Variants in ARHGEF10 observed in about 807,000 individuals in gnomAD.
The protein encoded by ARHGEF10 is Rho guanine nucleotide exchange factor 10.
ARHGEF10 carries 140 observed loss-of-function variants against 147.4 expected under a neutral mutation model. That is an observed-to-expected ratio of 0.95 (90% confidence interval 0.83 to 1.09). The LOEUF is 1.09. ARHGEF10 is among the 50% of genes least tolerant of loss of function. ARHGEF10 has a pLI of 0.00. For missense variants in ARHGEF10, 2,222 were observed against 1,752.7 expected, an observed-to-expected ratio of 1.27 and a Z score of -4.78; for synonymous variants, 902 against 695.8, an observed-to-expected ratio of 1.30 and a Z score of -4.67.
intron 14 of ARHGEF10, among the ~76,000 whole-genome samples, chr8:1,897,187 C>T (rs1810046133): frequency 6.6e-6 from 1 of 152,252 alleles, no homozygotes; most frequent in Non-Finnish European, 1.5e-5. Flanking sequence ...ACTGCTGCTA[C>T]CTGGAGCGAG....
intron 17 of ARHGEF10, among the ~76,000 whole-genome samples, chr8:1,908,737 C>T (rs1006848488): frequency 6.6e-6 from 1 of 152,050 alleles, no homozygotes; most frequent in African/African-American, 2.4e-5. Flanking sequence ...TGTGTTTCTT[C>T]ACGTATATGT....
chr8:1,945,570 G>A lies in ARHGEF10; in HGVS notation c.3312G>A (p.Gly1104=). 6.2e-7 allele frequency: 1 copy of A among 1,614,238 alleles called. No homozygotes were observed. Among genetic ancestry groups the A allele is most frequent in the Non-Finnish European group, 8.5e-7 (1 of 1,180,038 alleles). Residue 1104 remains glycine, a synonymous_variant, in exon 27 of 29, where the codon GGG becomes GGA. Coordinates refer to ENST00000349830, the MANE Select transcript of ARHGEF10 (RefSeq NM_014629.4). The part of the protein sequence containing the change: ...GVGIWIAFTS[G]STLRLFHTET... ...GGATCTGGATTGCCTTCACCTCAGG[G>A]TCCACGCTCCGCCTTTTTCACACGG...
chr8:1,911,410 G>A (rs768838755), intron 18 of ARHGEF10, among the ~76,000 whole-genome samples: 3 of 152,086 alleles, frequency 2.0e-5, no homozygotes, highest in Non-Finnish European at 4.4e-5. Context: ...AACTTGTTTT[G>A]CCATCAATAG....
At chr8:1,851,775 G>T (rs892765130) in intron 2 of ARHGEF10, among the ~76,000 whole-genome samples, 1 of 152,044 alleles carries the variant, frequency 6.6e-6, no homozygotes, top group South Asian at 2.1e-4. Flanking sequence ...TTAGCCAGGC[G>T]TGGTGGCTCA....
chr8:1,891,341 G>T (rs758936208), intron 11 of ARHGEF10, among the ~76,000 whole-genome samples: 3 of 152,120 alleles, frequency 2.0e-5, no homozygotes, highest in Non-Finnish European at 4.4e-5. Flanking sequence ...TTCTCCTCTA[G>T]AATTGAATTA....
At chr8:1,898,656 CAG>C in intron 15 of ARHGEF10, 131 bp downstream of exon 15, 1 of 954,410 alleles carries the variant, frequency 1.0e-6, no homozygotes, top group Non-Finnish European at 1.6e-6. Flanking sequence ...TAGGCAGTTA[CAG>C]GAGGTGGAGG....
At position 1,842,072 on chromosome 8, in the gene ARHGEF10, G is replaced by GGGAACTGGGGCCGCGACC. The variant is rs1563162254; in HGVS notation, c.-47-1265_-47-1264insCCGGAACTGGGGCCGCGA. ...CCGCGGCGGGAACTGGGGCCGCGGCGGGAACTGGGGCCGCGAGGCGCCGAA... is the reference window on the plus strand; with the variant it reads ...CCGCGGCGGGAACTGGGGCCGCGGCGGGAACTGGGGCCGCGACCGGAACTGGGGCCGCGAGGCGCCGAA... On this transcript the variant is annotated intron_variant, in intron 1 of 28. Transcript: ENST00000349830. 1.4e-3 allele frequency among the ~76,000 whole-genome samples: 193 copies of GGGAACTGGGGCCGCGACC among 139,352 alleles called. 7 individuals carry two copies. Among genetic ancestry groups the GGGAACTGGGGCCGCGACC allele is most frequent in the Admixed American group, 3.1e-3 (41 of 13,080 alleles). 91.4% of individuals were successfully genotyped at this position (139,352 alleles called of 152,430 possible). A position where few individuals can be genotyped will look rare whatever the true frequency, so the allele number is the denominator to read the frequency against.
At chr8:1,894,705 T>A in intron 13 of ARHGEF10, 133 bp downstream of exon 13, 1 of 1,017,906 alleles carries the variant, frequency 9.8e-7, no homozygotes, top group Non-Finnish European at 1.5e-6. Flanking sequence ...AAGGCCAGGC[T>A]GAAGTTGCAA....
chr8:1,916,955 C>T (rs1181694681), intron 18 of ARHGEF10, among the ~76,000 whole-genome samples: 1 of 152,238 alleles, frequency 6.6e-6, no homozygotes, highest in African/African-American at 2.4e-5. Flanking sequence ...AGGGAATTTT[C>T]ATTTAATATT....
intron 2 of ARHGEF10, among the ~76,000 whole-genome samples, chr8:1,853,406 T>C (rs1164978275): frequency 6.6e-6 from 1 of 152,272 alleles, no homozygotes; most frequent in East Asian, 1.9e-4. Context: ...AACAGCTTTT[T>C]GAAAGATCCA....
intron 1 of ARHGEF10, among the ~76,000 whole-genome samples, chr8:1,839,186 G>A (rs1012634946): frequency 7.3e-6 from 1 of 136,700 alleles, no homozygotes; most frequent in Non-Finnish European, 1.5e-5. Context: ...TGTGGGGACT[G>A]TCTGATGTGG....
intron 4 of ARHGEF10, among the ~76,000 whole-genome samples, chr8:1,862,944 A>C (rs1426816330): frequency 2.7e-5 from 4 of 150,844 alleles, no homozygotes; most frequent in Non-Finnish European, 4.4e-5. Context: ...ACGCCCGGCT[A>C]ATTTTTTGTA....
At chr8:1,834,226 G>A (rs1803443415) in intron 1 of ARHGEF10, among the ~76,000 whole-genome samples, 1 of 152,228 alleles carries the variant, frequency 6.6e-6, no homozygotes, top group African/African-American at 2.4e-5. Flanking sequence ...GGCCCAGGCG[G>A]GTTGATTCTG....
At chr8:1,888,185 A>AG (rs199964501) in intron 11 of ARHGEF10, among the ~76,000 whole-genome samples, 1 of 65,128 alleles carries the variant, frequency 1.5e-5, no homozygotes, top group East Asian at 2.8e-4. Context: ...GAGTGGGGTG[A>AG]GGGTTTGCGA....
chr8:1,869,236 C>G lies in ARHGEF10; in HGVS notation c.665C>G (p.Ser222Ter), dbSNP rs1355703904. 4.3e-6 allele frequency: 7 copies of G among 1,613,856 alleles called. No individual in the cohort carries two copies. Among genetic ancestry groups the G allele is most frequent in the East Asian group, 2.2e-5 (1 of 44,886 alleles). ...AIYDDVPREN[S>*]DSEPDEMIYD... Reference sequence around the variant, plus strand: ...TACGATGACGTTCCAAGGGAAAACTCAGACTCTGAACCAGGTTTGATTTTG... The same window carrying G: ...TACGATGACGTTCCAAGGGAAAACTGAGACTCTGAACCAGGTTTGATTTTG... The change falls in exon 7 of 29, where the codon TCA becomes TGA. Residue 222 changes from serine to a stop codon, truncating the protein, a stop_gained. Transcript: ENST00000349830. LOFTEE classifies it high-confidence loss of function.
chr8:1,929,583 C>G, intron 25 of ARHGEF10, 140 bp downstream of exon 25: 1 of 1,028,944 alleles, frequency 9.7e-7, no homozygotes, highest in Non-Finnish European at 1.4e-6. Flanking sequence ...TCACCCTTGC[C>G]CAAGGCCCGG....
At chr8:1,875,900 C>T (rs7842534) in intron 7 of ARHGEF10, among the ~76,000 whole-genome samples, 30,201 of 152,106 alleles carry the variant, frequency 0.2, 3,059 homozygotes, top group African/African-American at 0.24. Context: ...ATTTTTAAGG[C>T]ATGGAGATTA....
Position 1,880,177 on chromosome 8 carries a change from C to T in ARHGEF10, c.960+13C>T, listed in dbSNP as rs371436029. 6.3e-7 allele frequency: 1 copy of T among 1,590,248 alleles called. No homozygotes were observed. Among genetic ancestry groups the T allele is most frequent in the South Asian group, 1.1e-5 (1 of 90,574 alleles). ...GCATGAACTGAAGGTAGAGTCTTGC[C>T]CCCGGCCGCTGCCCCCACTTGCCAG... On this transcript the variant is annotated intron_variant, in intron 9 of 28. Transcript: ENST00000349830.
At chr8:1,845,955 G>T (rs1387275036) in intron 2 of ARHGEF10, among the ~76,000 whole-genome samples, 1 of 152,182 alleles carries the variant, frequency 6.6e-6, no homozygotes, top group Admixed American at 6.5e-5. Flanking sequence ...CCCAGATTTC[G>T]ACCCAGGGGA....
Sources: allele counts gnomAD v4.1 joint callset (sites outside exome capture counted in the v4.1 genomes callset), GRCh38; gene constraint gnomAD v4.1.1; transcripts MANE v1.5; gene names NCBI Gene and HGNC (gene_info 2026-07-23, HGNC 2026-07-21).